Variants in SLCO3A1 observed in about 807,000 individuals in gnomAD.
SLCO3A1 encodes PGE1 transporter.
SLCO3A1 carries 27 observed loss-of-function variants against 63.1 expected under a neutral mutation model. The observed-to-expected ratio is 0.43, with a 90% CI of 0.32 to 0.59. The LOEUF is 0.59. Ranked by LOEUF, SLCO3A1 falls within the 20% of genes least tolerant of loss-of-function variation. The probability of loss-of-function intolerance (pLI) is 0.09; values close to 1 mark genes in which losing one functional copy is unlikely to be tolerated. For synonymous variants in SLCO3A1, 473 were observed against 409.9 expected (o/e 1.15, Z -1.86); for missense variants, 773 against 945.8 (o/e 0.82, Z 2.40).
intron 6 of SLCO3A1, among the ~76,000 whole-genome samples, chr15:92,127,106 T>C (rs2047933633): frequency 6.6e-6 from 1 of 152,252 alleles, no homozygotes; most frequent in Non-Finnish European, 1.5e-5. Flanking sequence ...GCTTTCTGTA[T>C]GTCTGTGTAC....
At position 91,951,546 on chromosome 15, in the gene SLCO3A1, CT is replaced by C. The variant is rs531208534; in HGVS notation, c.646+35094del. 1.2e-4 allele frequency among the ~76,000 whole-genome samples: 18 copies of C among 148,480 alleles called. No homozygotes were observed. In the South Asian group the frequency reaches 3.8e-3, roughly 31 times the overall value. On this transcript the variant is annotated intron_variant, in intron 2 of 9. Transcript: ENST00000318445. ...TGTATAATTTTCTTTGTTTTTCTTT[CT>C]TTTTTCTTTTCTTTTTTTTTTTTTT...
intron 2 of SLCO3A1, among the ~76,000 whole-genome samples, chr15:92,062,590 G>A (rs943542067): frequency 6.6e-6 from 1 of 152,328 alleles, no homozygotes; most frequent in Non-Finnish European, 1.5e-5. Context: ...GGCAACAGGA[G>A]ACTGGTTGGC....
At chr15:92,171,736 G>A (rs769395088) in intron 10 of SLCO3A1, 28 of 1,357,016 alleles carry the variant, frequency 2.1e-5, no homozygotes, top group South Asian at 8.7e-5. Flanking sequence ...AGAAAAGACC[G>A]ATCTCTTTTT....
intron 2 of SLCO3A1, among the ~76,000 whole-genome samples, chr15:92,005,993 T>G (rs539357469): frequency 6.5e-4 from 99 of 152,226 alleles, no homozygotes; most frequent in African/African-American, 1.7e-3. Flanking sequence ...TAAAAACGTC[T>G]TGTATGTGAA....
intron 1 of SLCO3A1, among the ~76,000 whole-genome samples, chr15:91,906,503 TA>T (rs1230319913): frequency 6.6e-6 from 1 of 152,232 alleles, no homozygotes; most frequent in Non-Finnish European, 1.5e-5. Context: ...GCCGGGGCCC[TA>T]GGGCATATAA....
chr15:91,984,071 C>G (rs1198124084), intron 2 of SLCO3A1, among the ~76,000 whole-genome samples: 5 of 152,136 alleles, frequency 3.3e-5, no homozygotes, highest in Admixed American at 6.5e-5. Context: ...TCTGTTTATC[C>G]AGACCAGGGG....
chr15:91,892,312 A>G (rs1210654724), intron 1 of SLCO3A1, among the ~76,000 whole-genome samples: 1 of 152,158 alleles, frequency 6.6e-6, no homozygotes, highest in Non-Finnish European at 1.5e-5. Flanking sequence ...GCATTGGAGC[A>G]GTGTTTTTCA....
rs574232028 is a variant in SLCO3A1 at position 92,165,878 on chromosome 15, G to A, written c.*2743G>A. On this transcript the variant is annotated 3_prime_UTR_variant, in exon 10 of 10. Transcript: ENST00000318445. The stretch of plus-strand genomic sequence containing the variant: ...GGATTTACAGAATACAAAAATGTAC[G>A]GGATGGAATAAACCTAGAAAGTGAA... 56 of 985,110 alleles carry A rather than the reference G, an allele frequency of 5.7e-5. No homozygotes were observed. Among genetic ancestry groups the A allele is most frequent in the African/African-American group, 3.3e-4 (19 of 57,182 alleles). The allele number at this position is 985,110 out of a possible 1,614,324, so 61.0% of individuals were successfully genotyped here.
intron 2 of SLCO3A1, among the ~76,000 whole-genome samples, chr15:91,974,541 C>T (rs371400204): frequency 2.2e-4 from 34 of 151,858 alleles, no homozygotes; most frequent in South Asian, 1.5e-3. Context: ...GAGGGAAGAG[C>T]GTGGTGGGAG....
chr15:91,963,506 C>T (rs1900540748), intron 2 of SLCO3A1, among the ~76,000 whole-genome samples: 2 of 151,868 alleles, frequency 1.3e-5, no homozygotes, highest in South Asian at 4.2e-4. Flanking sequence ...CCCCAAATAA[C>T]ATTTCATCTG....
intron 1 of SLCO3A1, among the ~76,000 whole-genome samples, chr15:91,892,370 A>G (rs777367539): frequency 7.2e-5 from 11 of 152,172 alleles, no homozygotes; most frequent in Non-Finnish European, 1.3e-4. Flanking sequence ...CTGCAGATTC[A>G]TAGAAGAAAG....
intron 2 of SLCO3A1, among the ~76,000 whole-genome samples, chr15:91,938,469 A>G (rs373581597): frequency 7.1e-6 from 1 of 140,154 alleles, no homozygotes; most frequent in South Asian, 2.4e-4. Context: ...TACTCTAAAC[A>G]TTGGTTTTTT....
intron 2 of SLCO3A1, among the ~76,000 whole-genome samples, chr15:91,924,372 C>A (rs1256217268): frequency 1.3e-5 from 2 of 152,126 alleles, no homozygotes; most frequent in African/African-American, 4.8e-5. Context: ...CTTCTCCAAG[C>A]CCTTTGCGAG....
At chr15:92,124,658 G>C (rs1376022680) in intron 5 of SLCO3A1, among the ~76,000 whole-genome samples, 1 of 152,158 alleles carries the variant, frequency 6.6e-6, no homozygotes, top group Non-Finnish European at 1.5e-5. Flanking sequence ...GAGAGAGAGA[G>C]AGCAAGAAAC....
intron 2 of SLCO3A1, among the ~76,000 whole-genome samples, chr15:92,089,236 C>A (rs2047442904): frequency 6.6e-6 from 1 of 152,072 alleles, no homozygotes; most frequent in Non-Finnish European, 1.5e-5. Context: ...CCGTGTTAGC[C>A]AGGATGAACT....
chr15:91,881,585 AG>A (rs1261015086), intron 1 of SLCO3A1, among the ~76,000 whole-genome samples: 13 of 152,040 alleles, frequency 8.6e-5, no homozygotes, highest in Non-Finnish European at 1.9e-4. Flanking sequence ...AAAGAAAGAA[AG>A]AAAGGGTTTT....
chr15:92,017,286 G>GGC (rs1555424563), intron 2 of SLCO3A1, among the ~76,000 whole-genome samples: 1 of 135,782 alleles, frequency 7.4e-6, no homozygotes, highest in Non-Finnish European at 1.7e-5. Flanking sequence ...AGCTGGGATT[G>GGC]GGGGGGGGTA....
chr15:92,099,382 C>G (rs2047576950), intron 3 of SLCO3A1, among the ~76,000 whole-genome samples: 1 of 151,988 alleles, frequency 6.6e-6, no homozygotes, highest in Admixed American at 6.6e-5. Context: ...TAATGATACT[C>G]TTGGAATTCT....
At chr15:92,040,485 A>G (rs998887281) in intron 2 of SLCO3A1, among the ~76,000 whole-genome samples, 1 of 152,178 alleles carries the variant, frequency 6.6e-6, no homozygotes, top group South Asian at 2.1e-4. Context: ...AATGAGAGCA[A>G]TCATGTTATC....
Sources: gnomAD v4.1 joint callset for allele counts (sites outside exome capture counted in the v4.1 genomes callset) on GRCh38, gnomAD v4.1.1 for gene constraint, MANE v1.5 for transcripts, NCBI Gene and HGNC (gene_info 2026-07-23, HGNC 2026-07-21) for gene names.